Variants in POLG observed in about 807,000 individuals in gnomAD.
POLG encodes DNA polymerase subunit gamma-1.
Under a neutral mutation model 155.4 loss-of-function variants are expected in POLG, and 110 were observed. That is an observed-to-expected ratio of 0.71 (90% CI 0.61 to 0.83). The LOEUF (loss-of-function observed/expected upper bound fraction) is 0.83. POLG is among the 40% of genes least tolerant of loss of function. The pLI is 0.00. For synonymous variants in POLG, 701 were observed against 631.5 expected (o/e 1.11, Z -1.65); for missense variants, 1,685 against 1,627.5 (o/e 1.04, Z -0.61).
chr15:89,323,464 G>T lies in POLG; in HGVS notation c.2205C>A (p.Gly735=). ...PKDTQPSYHH[G]NGPYNDVDIP... ...TGTCCACGTCGTTGTAAGGTCCATT[G>T]CCATGGTGATAGCTGGGCTGGGTGT... is the stretch of plus-strand genomic sequence containing the variant. The change falls in exon 13 of 23, where the codon GGC becomes GGA. Residue 735 remains glycine (G), a synonymous_variant. Coordinates refer to ENST00000268124, the MANE Select transcript of POLG (RefSeq NM_002693.3). 1 of 1,614,046 alleles carries T rather than the reference G, an allele frequency of 6.2e-7. No homozygotes were observed. Among genetic ancestry groups the T allele is most frequent in the Non-Finnish European group, 8.5e-7 (1 of 1,179,890 alleles).
intron 12 of POLG, 97 bp downstream of exon 12, chr15:89,323,717 AG>A (rs1182857045): frequency 1.7e-5 from 18 of 1,069,586 alleles, no homozygotes; most frequent in Non-Finnish European, 2.6e-5. Context: ...AACCCCCTTA[AG>A]ACCTAGGGAA....
intron 15 of POLG, 39 bp from the exon 16 acceptor site, chr15:89,321,892 G>A (rs531360218): frequency 1.2e-6 from 2 of 1,607,294 alleles, no homozygotes; most frequent in Non-Finnish European, 1.7e-6. Flanking sequence ...TCTTAGCAGG[G>A]TGCTTTGGCC....
At position 89,317,772 on chromosome 15, in the gene POLG, T is replaced by C. The variant is rs568509680; in HGVS notation, c.3483-236A>G. 174 of 547,620 alleles carry C rather than the reference T, an allele frequency of 3.2e-4. 1 individual carries two copies. The highest frequency in any genetic ancestry group is 2.1e-3 in the East Asian group (66 of 31,416). The allele number at this position is 547,620 out of a possible 1,614,324, so 33.9% of individuals were successfully genotyped here. On this transcript the variant is annotated intron_variant, in intron 21 of 22. Transcript: ENST00000268124. ...GGACTCAACATACTTTTTTTTTTTT[T>C]CCCAGTTTGGTACACTTTATTAATT...
rs554657416 is a variant in POLG at position 89,321,626 on chromosome 15, T to C, written c.2598+110A>G. ...TGACTAGAGTCCTGCCTGACCCAGA[T>C]CACAGGGTCCTTTTCATGATCCTCA... On this transcript the variant is annotated intron_variant, in intron 16 of 22. Coordinates refer to ENST00000268124, the MANE Select transcript of POLG (RefSeq NM_002693.3). The C allele has an allele frequency of 8.2e-6, 7 of 858,292 alleles. No individual in the cohort carries two copies. The Admixed American group carries it at 8.5e-5, about 10-fold the overall frequency. The allele number at this position is 858,292 out of a possible 1,614,324, so 53.2% of individuals were successfully genotyped here. A position where few individuals can be genotyped will look rare whatever the true frequency, so the allele number is the denominator to read the frequency against.
intron 18 of POLG, 105 bp downstream of exon 18, chr15:89,320,661 A>G: frequency 7.7e-7 from 1 of 1,292,434 alleles, no homozygotes; most frequent in Non-Finnish European, 1.1e-6. Context: ...GGGCTAGGTG[A>G]GAGTTCAAGT....
At chr15:89,316,863 C>T in intron 22 of POLG, 36 bp from the exon 23 acceptor site, 1 of 1,458,130 alleles carries the variant, frequency 6.9e-7, no homozygotes, top group South Asian at 1.1e-5. Context: ...GATGCCACCT[C>T]AAGAACTGTA....
chr15:89,330,636 C>T (rs1318348362), intron 2 of POLG, among the ~76,000 whole-genome samples: 1 of 152,044 alleles, frequency 6.6e-6, no homozygotes, highest in Admixed American at 6.6e-5. Flanking sequence ...ATTATCAACC[C>T]CTCACGTCTA....
intron 18 of POLG, 186 bp from the exon 19 acceptor site, chr15:89,319,536 A>C: frequency 1.3e-6 from 1 of 758,242 alleles, no homozygotes; most frequent in South Asian, 1.7e-5. Context: ...AGGATCATGG[A>C]GCTAGAAAGA....
In POLG at chr15:89,325,057, AGAGTGAGTGAGT is replaced by A. The variant is rs1173555720; in HGVS notation, c.1949+381_1949+392del. On this transcript the variant is annotated intron_variant, in intron 10 of 22. Transcript: ENST00000268124. ...CCCAGAGAGTGAGTGAGTGAGTGAG[AGAGTGAGTGAGT>A]GAGTGAGTGAGTGAGAGAGTGAGTG... 6.2e-4 allele frequency among the ~76,000 whole-genome samples: 54 copies of A among 87,688 alleles called. 2 individuals carry two copies. Among genetic ancestry groups the A allele is most frequent in the Middle Eastern group, 5.0e-3 (1 of 202 alleles). The allele number at this position is 87,688 out of a possible 152,430, so 57.5% of individuals were successfully genotyped here. A position where few individuals can be genotyped will look rare whatever the true frequency, so the allele number is the denominator to read the frequency against.
intron 10 of POLG, among the ~76,000 whole-genome samples, chr15:89,325,107 A>AGTGAGTGAGT (rs10637324): frequency 2.7e-4 from 10 of 36,664 alleles, no homozygotes; most frequent in African/African-American, 1.6e-3. Context: ...TGAGAGAGTG[A>AGTGAGTGAGT]GAGAGAGTGA....
Position 89,323,571 on chromosome 15 carries a change from A to G in POLG, c.2158-60T>C, listed in dbSNP as rs956407272. 5.3e-6 allele frequency: 6 copies of G among 1,127,352 alleles called. No individual in the cohort carries two copies. In the African/African-American group the frequency reaches 9.1e-5, roughly 17 times the overall value. The allele number at this position is 1,127,352 out of a possible 1,614,324, so 69.8% of individuals were successfully genotyped here. On this transcript the variant is annotated intron_variant, in intron 12 of 22. Coordinates refer to ENST00000268124, the MANE Select transcript of POLG (RefSeq NM_002693.3). ...CCAGCACCTGCATTCAGCAAGGGCC[A>G]TGGGGTAGGGGGTGGGAAAAGGGCC... is the stretch of plus-strand genomic sequence containing the variant.
intron 16 of POLG, 141 bp downstream of exon 16, chr15:89,321,595 C>A: frequency 1.3e-6 from 1 of 788,760 alleles, no homozygotes; most frequent in South Asian, 1.4e-5. Context: ...ATCATGAAGC[C>A]AGATTTGACT....
chr15:89,321,043 C>T, intron 17 of POLG, 31 bp from the exon 18 acceptor site: 1 of 1,614,052 alleles, frequency 6.2e-7, no homozygotes, highest in Non-Finnish European at 8.5e-7. Flanking sequence ...AGAAAAGCAG[C>T]TCAGGAACAT....
chr15:89,321,664 A>C, intron 16 of POLG, 72 bp downstream of exon 16: 1 of 1,072,946 alleles, frequency 9.3e-7, no homozygotes, highest in East Asian at 2.4e-5. Flanking sequence ...AAATACCTAA[A>C]GGCCCTCAGA....
intron 21 of POLG, 100 bp from the exon 22 acceptor site, chr15:89,317,636 C>A: frequency 1.8e-6 from 2 of 1,125,544 alleles, no homozygotes; most frequent in South Asian, 1.2e-5. Context: ...CAGGGCTTCC[C>A]CTGGACCAAC....
chr15:89,325,437 G>C lies in POLG; in HGVS notation c.1949+13C>G. 3.8e-6 allele frequency: 6 copies of C among 1,571,640 alleles called. No individual in the cohort carries two copies. The highest frequency in any genetic ancestry group is 5.2e-6 in the Non-Finnish European group (6 of 1,153,198). ...AGGCTCCAGCCCCTTCCTCCCCTGG[G>C]CCTAAGCCTTACCTGTAGGGGCAGA... On this transcript the variant is annotated intron_variant, in intron 10 of 22. Coordinates refer to ENST00000268124, the MANE Select transcript of POLG (RefSeq NM_002693.3).
Position 89,333,222 on chromosome 15 carries a change from T to C in POLG, c.533A>G (p.Tyr178Cys). 1.3e-6 allele frequency: 2 copies of C among 1,580,658 alleles called. No homozygotes were observed. The highest frequency in any genetic ancestry group is 1.7e-6 in the Non-Finnish European group (2 of 1,160,506). Residue 178 changes from tyrosine to cysteine, a missense_variant, in exon 2 of 23, where the codon TAC (tyrosine) becomes TGC (cysteine). Transcript: ENST00000268124. ...GGGTACGGCCTCCCCCTCGGGGCCG[T>C]ACCGGGTCCAGCCCTCCGCCCAGGC... ...AWAWAEGWTR[Y>C]GPEGEAVPVA...
Position 89,325,223 on chromosome 15 carries a change from AGAGT to A in POLG, c.1949+223_1949+226del, listed in dbSNP as rs1555453361. 9.1e-3 allele frequency among the ~76,000 whole-genome samples: 353 copies of A among 38,646 alleles called. 74 individuals are homozygous for A. The highest frequency in any genetic ancestry group is 0.024 in the Middle Eastern group (2 of 84). 25.4% of individuals were successfully genotyped at this position (38,646 alleles called of 152,430 possible). A position where few individuals can be genotyped will look rare whatever the true frequency, so the allele number is the denominator to read the frequency against. ...GTGAGTGAGAGAGTGAGTGAGTGAG[AGAGT>A]GAGTGAGAGAGTGAGTGAGTGAGAG... is the stretch of plus-strand genomic sequence containing the variant. On this transcript the variant is annotated intron_variant, in intron 10 of 22. Transcript: ENST00000268124.
chr15:89,330,095 G>A lies in POLG; in HGVS notation c.841C>T (p.Gln281Ter). The change falls in exon 3 of 23, where the codon CAG becomes TAG. Residue 281 changes from glutamine (Q) to a stop codon, truncating the protein, a stop_gained. Transcript: ENST00000268124. LOFTEE classifies it high-confidence loss of function. The stretch of plus-strand genomic sequence containing the variant: ...AGGAACCTTACCTGGATCAGGTACT[G>A]CTCCCTGATATGAGCTCGGTCAAAG... ...VSFDRAHIRE[Q>*]YLIQGSRMRF... 1 of 1,613,292 alleles carries A rather than the reference G, an allele frequency of 6.2e-7. No homozygotes were observed. The highest frequency in any genetic ancestry group is 8.5e-7 in the Non-Finnish European group (1 of 1,179,238).
Sources: gnomAD v4.1 joint callset for allele counts (sites outside exome capture counted in the v4.1 genomes callset) on GRCh38, gnomAD v4.1.1 for gene constraint, MANE v1.5 for transcripts, NCBI Gene and HGNC (gene_info 2026-07-23, HGNC 2026-07-21) for gene names.